Variants in SLC45A4 observed in about 807,000 individuals in gnomAD.
SLC45A4 encodes polyamine-transporter SLC45A4.
Under a neutral mutation model 63.7 loss-of-function variants are expected in SLC45A4, and 32 were observed. The observed-to-expected ratio is 0.50, with a 90% CI of 0.38 to 0.67. SLC45A4 has a LOEUF of 0.67. Among genes scored for constraint, SLC45A4 ranks in the 30% least tolerant of loss-of-function variants. SLC45A4 has a pLI of 0.00. For synonymous variants in SLC45A4, 535 were observed against 510.0 expected (o/e 1.05, Z -0.66); for missense variants, 1,027 against 1,157.7 (o/e 0.89, Z 1.64).
intron 2 of SLC45A4, among the ~76,000 whole-genome samples, chr8:141,236,610 A>T (rs943655430): frequency 1.5e-4 from 23 of 152,316 alleles, no homozygotes; most frequent in African/African-American, 5.3e-4. Context: ...CGTTTTTTTT[A>T]AATGACAAAA....
chr8:141,282,059 T>G (rs1829972201), intron 1 of SLC45A4, among the ~76,000 whole-genome samples: 2 of 152,156 alleles, frequency 1.3e-5, no homozygotes, highest in Admixed American at 6.5e-5. Context: ...ATTCCTCATC[T>G]GGGGAAGCCC....
intron 1 of SLC45A4, among the ~76,000 whole-genome samples, chr8:141,266,608 G>C (rs1354318628): frequency 6.6e-6 from 1 of 152,222 alleles, no homozygotes; most frequent in Non-Finnish European, 1.5e-5. Flanking sequence ...ACCAGTGTGT[G>C]TCAAGGGAAG....
rs1828773552 is a variant in SLC45A4, at chr8:141,256,357, A to G, written c.-400-1728T>C. 2.9e-6 allele frequency: 1 copy of G among 349,174 alleles called. No individual in the cohort carries two copies. The highest frequency in any genetic ancestry group is 2.1e-5 in the African/African-American group (1 of 46,728). 21.6% of individuals were successfully genotyped at this position (349,174 alleles called of 1,614,324 possible). On this transcript the variant is annotated intron_variant, in intron 1 of 8. Coordinates refer to ENST00000517878, the MANE Select transcript of SLC45A4 (RefSeq NM_001286646.2). This position sits in a 1 kb window ranked among gnomAD's most constrained non-coding sequence, Gnocchi z 4.3. ...ATACCTTACTGAGAATTTTTCCAAC[A>G]ACTGGTTTCAACAAAAATATTTCTC...
chr8:141,283,700 T>C (rs572296359), intron 1 of SLC45A4, among the ~76,000 whole-genome samples: 25 of 152,238 alleles, frequency 1.6e-4, no homozygotes, highest in African/African-American at 5.5e-4. Flanking sequence ...AGAAGAAAAG[T>C]GGCAGTGTGG....
intron 1 of SLC45A4, among the ~76,000 whole-genome samples, chr8:141,293,209 C>T (rs1352090453): frequency 6.6e-6 from 1 of 152,178 alleles, no homozygotes; most frequent in South Asian, 2.1e-4. Flanking sequence ...AATCCCAGCA[C>T]TTTGGGAGGC....
chr8:141,285,320 C>T (rs547131147), intron 1 of SLC45A4, among the ~76,000 whole-genome samples: 17 of 152,390 alleles, frequency 1.1e-4, no homozygotes, highest in East Asian at 1.9e-4. Flanking sequence ...TGAGATTCCT[C>T]GGCCTGCGCC....
rs530406382 is a variant in SLC45A4 at position 141,299,771 on chromosome 8, T to C, written c.-401+8325A>G. 2.6e-5 allele frequency among the ~76,000 whole-genome samples: 4 copies of C among 152,344 alleles called. No homozygotes were observed. In the South Asian group the frequency reaches 8.3e-4, roughly 32 times the overall value. The stretch of plus-strand genomic sequence containing the variant: ...AACCAGCTGGACTCTGCTGTACCTG[T>C]TCTTCTTCAGCAGCCAAAACGTTTC... On this transcript the variant is annotated intron_variant, in intron 1 of 8. Transcript: ENST00000517878.
intron 2 of SLC45A4, among the ~76,000 whole-genome samples, chr8:141,224,092 C>G (rs529217539): frequency 6.6e-6 from 1 of 151,748 alleles, no homozygotes; most frequent in Non-Finnish European, 1.5e-5. Flanking sequence ...ATTACACTTA[C>G]ACTCTTGAAG....
In SLC45A4 at chr8:141,291,859, G is replaced by GA. The variant is rs960881725; in HGVS notation, c.-401+16236dup. Among the ~76,000 whole-genome samples the GA allele has an allele frequency of 5.3e-5, 8 of 152,266 alleles. No homozygotes were observed. In the South Asian group the frequency reaches 8.3e-4, roughly 16 times the overall value. On this transcript the variant is annotated intron_variant, in intron 1 of 8. Coordinates refer to ENST00000517878, the MANE Select transcript of SLC45A4 (RefSeq NM_001286646.2). The stretch of plus-strand genomic sequence containing the variant: ...ACCCAGCCAAGGAAAGACTGAGCTA[G>GA]AAAAAAACAGCAAAATACTGGTTTC...
At chr8:141,264,143 T>C (rs959036258) in intron 1 of SLC45A4, among the ~76,000 whole-genome samples, 20 of 152,200 alleles carry the variant, frequency 1.3e-4, no homozygotes, top group Non-Finnish European at 2.8e-4. Context: ...TGTAACAGGC[T>C]ACTGAATGTT....
At chr8:141,217,275 C>T (rs1408120840) in intron 5 of SLC45A4, 86 bp from the exon 6 acceptor site, 16 of 1,393,588 alleles carry the variant, frequency 1.1e-5, no homozygotes, top group Admixed American at 7.5e-5. Flanking sequence ...AACTGCTGGC[C>T]GGCTGCTCAT....
chr8:141,257,341 T>C (rs1828842584), intron 1 of SLC45A4, among the ~76,000 whole-genome samples: 1 of 152,250 alleles, frequency 6.6e-6, no homozygotes, highest in African/African-American at 2.4e-5. Flanking sequence ...TGATTTTAAC[T>C]GCTTTCTTCC....
At position 141,278,280 on chromosome 8, in the gene SLC45A4, C is replaced by T. The variant is rs1418568049; in HGVS notation, c.-400-23651G>A. On this transcript the variant is annotated intron_variant, in intron 1 of 8. Coordinates refer to ENST00000517878, the MANE Select transcript of SLC45A4 (RefSeq NM_001286646.2). This position sits in a 1 kb window ranked among gnomAD's most constrained non-coding sequence, Gnocchi z 4.1. ...GCAGTGGGTTTCCCCGATGGGATCTCGGTGCAACCCAACAACTGAGCCAAC... is the reference window on the plus strand; with the variant it reads ...GCAGTGGGTTTCCCCGATGGGATCTTGGTGCAACCCAACAACTGAGCCAAC... The T allele has an allele frequency of 1.3e-5, 2 of 152,408 alleles. No individual in the cohort carries two copies. The highest frequency in any genetic ancestry group is 6.5e-5 in the Admixed American group (1 of 15,288). 9.4% of individuals were successfully genotyped at this position (152,408 alleles called of 1,614,324 possible).
chr8:141,263,778 A>AT lies in SLC45A4; in HGVS notation c.-400-9150_-400-9149insA, dbSNP rs1170226360. 4.0e-3 allele frequency among the ~76,000 whole-genome samples: 604 copies of AT among 149,194 alleles called. 5 individuals carry two copies. Among genetic ancestry groups the AT allele is most frequent in the African/African-American group, 0.014 (567 of 40,518 alleles). On this transcript the variant is annotated intron_variant, in intron 1 of 8. Coordinates refer to ENST00000517878, the MANE Select transcript of SLC45A4 (RefSeq NM_001286646.2). ...GAGCAAGACTCCGTCTCAAAAAAAA[A>AT]AAAAATAAAAATAATAATAAAAACA...
At chr8:141,282,745 G>A (rs1231557543) in intron 1 of SLC45A4, among the ~76,000 whole-genome samples, 2 of 152,240 alleles carry the variant, frequency 1.3e-5, no homozygotes, top group Non-Finnish European at 2.9e-5. Flanking sequence ...GATTTGGGAC[G>A]ATGTCGCAAG....
chr8:141,265,251 T>G (rs1328134811), intron 1 of SLC45A4, among the ~76,000 whole-genome samples: 1 of 152,200 alleles, frequency 6.6e-6, no homozygotes, highest in Non-Finnish European at 1.5e-5. Context: ...CAAGGGCCCA[T>G]GTGGTGCATA....
intron 1 of SLC45A4, among the ~76,000 whole-genome samples, chr8:141,273,939 TAA>T (rs1464066135): frequency 6.6e-6 from 1 of 152,244 alleles, no homozygotes; most frequent in African/African-American, 2.4e-5. Flanking sequence ...TTAAAAAACG[TAA>T]AGTTTGGGCC....
At chr8:141,287,266 T>C (rs1030756050) in intron 1 of SLC45A4, among the ~76,000 whole-genome samples, 6 of 152,190 alleles carry the variant, frequency 3.9e-5, no homozygotes, top group Admixed American at 6.5e-5. Context: ...AAGACTGATT[T>C]TAACAGGCAG....
intron 1 of SLC45A4, among the ~76,000 whole-genome samples, chr8:141,282,084 G>C (rs771789445): frequency 2.0e-5 from 3 of 152,188 alleles, no homozygotes; most frequent in Non-Finnish European, 2.9e-5. Flanking sequence ...CAAATCGAAG[G>C]ATGCATGGGA....
Sources: gnomAD v4.1 joint callset for allele counts (sites outside exome capture counted in the v4.1 genomes callset) on GRCh38, gnomAD v4.1.1 for gene constraint, Gnocchi (gnomAD v3.1) non-coding constraint, MANE v1.5 for transcripts, NCBI Gene and HGNC (gene_info 2026-07-23, HGNC 2026-07-21) for gene names.